DTD1: variants seen among roughly 807,000 people sequenced by gnomAD.
DTD1 encodes the protein D-tyrosyl-tRNA deacylase 1 homolog.
Under a neutral mutation model 25.6 loss-of-function variants are expected in DTD1, and 13 were observed. That is an observed-to-expected ratio of 0.51 (90% confidence interval 0.33 to 0.81). The LOEUF (loss-of-function observed/expected upper bound fraction) is 0.81, where lower values mean the gene tolerates loss of function less well. Among genes scored for constraint, DTD1 ranks in the 30% least tolerant of loss-of-function variants. DTD1 has a pLI of 0.02. For synonymous variants in DTD1, 110 were observed against 103.6 expected (o/e 1.06, Z -0.37); for missense variants, 193 against 266.4 (o/e 0.72, Z 1.92).
chr20:18,609,830 A>G (rs2060679534), intron 3 of DTD1, among the ~76,000 whole-genome samples: 1 of 152,212 alleles, frequency 6.6e-6, no homozygotes, highest in South Asian at 2.1e-4. Flanking sequence ...TTAGAACTCC[A>G]TTTACAAGTC....
intron 4 of DTD1, among the ~76,000 whole-genome samples, chr20:18,636,533 G>C (rs2060808059): frequency 6.6e-6 from 1 of 152,208 alleles, no homozygotes; most frequent in African/African-American, 2.4e-5. Context: ...ACACAGAGGT[G>C]TTTGCCAGCT....
intron 4 of DTD1, among the ~76,000 whole-genome samples, chr20:18,735,088 C>G (rs1424491660): frequency 6.6e-6 from 1 of 152,150 alleles, no homozygotes; most frequent in Non-Finnish European, 1.5e-5. Flanking sequence ...CACCATAAGA[C>G]TTTTTTGGAA....
At chr20:18,722,730 C>A (rs994083782) in intron 4 of DTD1, among the ~76,000 whole-genome samples, 15 of 152,094 alleles carry the variant, frequency 9.9e-5, no homozygotes, top group Non-Finnish European at 1.5e-5. Context: ...GGTGGACCTG[C>A]TGGGACTGCA....
intron 4 of DTD1, among the ~76,000 whole-genome samples, chr20:18,685,481 G>C (rs929783639): frequency 6.6e-6 from 1 of 152,150 alleles, no homozygotes; most frequent in Non-Finnish European, 1.5e-5. Flanking sequence ...GGGCAGAGGC[G>C]CCAGGAAGGG....
intron 4 of DTD1, among the ~76,000 whole-genome samples, chr20:18,682,049 T>TACAGTGTTATTTGAAGTACAGTTCAAA (rs1276279685): frequency 2.0e-5 from 3 of 152,186 alleles, no homozygotes; most frequent in African/African-American, 7.2e-5. Flanking sequence ...CCCACAGGCG[T>TACAGTGTTATTTGAAGTACAGTTCAAA]TAACAGTACA....
At chr20:18,593,980 C>T (rs1362158797) in intron 2 of DTD1, among the ~76,000 whole-genome samples, 159 bp downstream of exon 2, 2 of 152,016 alleles carry the variant, frequency 1.3e-5, no homozygotes, top group East Asian at 1.9e-4. Flanking sequence ...CAGAGAAGAC[C>T]GAGGAAGAAT....
rs2061312208 is a variant in DTD1, at chr20:18,749,165, G to C, written c.*19+4894G>C. 6.6e-6 allele frequency among the ~76,000 whole-genome samples: 1 copy of C among 152,172 alleles called. No individual in the cohort carries two copies. ...GCTGTGCTCCAGGCTGGGATCCTTG[G>C]AGTGGGGGAATGGGGGTTGGGTTGC... is the stretch of plus-strand genomic sequence containing the variant. On this transcript the variant is annotated intron_variant, in intron 5 of 5. Transcript: ENST00000377452. The surrounding 1 kb of genome is among the most constrained non-coding windows in gnomAD (Gnocchi z 4.2).
rs564134689 is a variant in DTD1 at position 18,704,088 on chromosome 20, C to A, written c.478-40012C>A. Among the ~76,000 whole-genome samples the A allele has an allele frequency of 1.7e-3, 265 of 151,982 alleles. 2 individuals carry two copies. Among genetic ancestry groups the A allele is most frequent in the Non-Finnish European group, 1.3e-3 (88 of 67,978 alleles). On this transcript the variant is annotated intron_variant, in intron 4 of 5. Coordinates refer to ENST00000377452, the MANE Select transcript of DTD1 (RefSeq NM_080820.6). Reference sequence around the variant, plus strand: ...CAATCTTGGCTCACTGCAAGCTCCGCCTCTGGGGTTCACGCCATTCTCCTG... The same window carrying A: ...CAATCTTGGCTCACTGCAAGCTCCGACTCTGGGGTTCACGCCATTCTCCTG...
chr20:18,762,360 C>T (rs1384217723), intron 5 of DTD1, among the ~76,000 whole-genome samples: 1 of 152,190 alleles, frequency 6.6e-6, no homozygotes, highest in Non-Finnish European at 1.5e-5. Context: ...CATCATAGAT[C>T]TCGGCAATAC....
At chr20:18,663,740 A>G (rs1028329449) in intron 4 of DTD1, among the ~76,000 whole-genome samples, 3 of 152,248 alleles carry the variant, frequency 2.0e-5, no homozygotes, top group African/African-American at 7.2e-5. Context: ...ATGCATGGCT[A>G]CGGAGGCCTC....
intron 4 of DTD1, among the ~76,000 whole-genome samples, chr20:18,663,469 C>A (rs539167378): frequency 3.3e-5 from 5 of 152,286 alleles, no homozygotes; most frequent in South Asian, 2.1e-4. Context: ...CAGTCACATG[C>A]CACATAATGA....
At chr20:18,619,695 G>C (rs754872016) in intron 3 of DTD1, among the ~76,000 whole-genome samples, 1 of 152,190 alleles carries the variant, frequency 6.6e-6, no homozygotes, top group Admixed American at 6.5e-5. Context: ...AAAGTGCTGG[G>C]ATTACAGGGG....
chr20:18,676,292 C>G (rs2060974283), intron 4 of DTD1, among the ~76,000 whole-genome samples: 1 of 152,136 alleles, frequency 6.6e-6, no homozygotes, highest in Non-Finnish European at 1.5e-5. Flanking sequence ...GGTGCCCCTT[C>G]CCCACCTTGG....
chr20:18,640,831 A>G (rs901156298), intron 4 of DTD1, among the ~76,000 whole-genome samples: 3 of 151,974 alleles, frequency 2.0e-5, no homozygotes, highest in Admixed American at 2.0e-4. Context: ...AGGTTTCACC[A>G]TGTTGGCCAG....
At chr20:18,636,632 G>A (rs73900462) in intron 4 of DTD1, among the ~76,000 whole-genome samples, 1,698 of 152,282 alleles carry the variant, frequency 0.011, 28 homozygotes, top group African/African-American at 0.031. Context: ...TCAGTGGGGT[G>A]TGAGTTGGAT....
chr20:18,745,459 T>C (rs1289914123), intron 5 of DTD1, among the ~76,000 whole-genome samples: 1 of 152,188 alleles, frequency 6.6e-6, no homozygotes, highest in Non-Finnish European at 1.5e-5. Context: ...GGAACAGTTA[T>C]ACTACAGCAC....
At chr20:18,662,970 C>T (rs2060917233) in intron 4 of DTD1, among the ~76,000 whole-genome samples, 1 of 152,086 alleles carries the variant, frequency 6.6e-6, no homozygotes, top group Admixed American at 6.6e-5. Flanking sequence ...AATGAGGGTC[C>T]AGGGCCTGGA....
At chr20:18,640,968 T>G (rs2122336142) in intron 4 of DTD1, among the ~76,000 whole-genome samples, 1 of 152,232 alleles carries the variant, frequency 6.6e-6, no homozygotes, top group Non-Finnish European at 1.5e-5. Flanking sequence ...AAACTGAAAC[T>G]TTACCCTTAA....
At chr20:18,700,049 A>T (rs2061097267) in intron 4 of DTD1, among the ~76,000 whole-genome samples, 1 of 152,164 alleles carries the variant, frequency 6.6e-6, no homozygotes, top group Non-Finnish European at 1.5e-5. Context: ...TCCCATGTTC[A>T]TTTAGGTGTG....
Sources: gnomAD v4.1 joint callset for allele counts (sites outside exome capture counted in the v4.1 genomes callset) on GRCh38, gnomAD v4.1.1 for gene constraint, Gnocchi (gnomAD v3.1) non-coding constraint, MANE v1.5 for transcripts, NCBI Gene and HGNC (gene_info 2026-07-23, HGNC 2026-07-21) for gene names.